The following SPMIP4 variants were observed in gnomAD, a reference collection of about 807,000 sequenced individuals.
The protein encoded by SPMIP4 is sperm-associated microtubule inner protein 4.
the SPMIP4 span, among the ~76,000 whole-genome samples, chr7:25,167,025 ACAAG>A: frequency 6.6e-6 from 1 of 152,258 alleles, no homozygotes; most frequent in Non-Finnish European, 1.5e-5. Context: ...TCCTTAAGAA[ACAAG>A]TCTTTGGCTT....
At chr7:25,135,297 C>T in the SPMIP4 span, 1 of 981,452 alleles carries the variant, frequency 1.0e-6, no homozygotes, top group East Asian at 1.1e-4. Flanking sequence ...ATAAAAGAAA[C>T]AGTTATGTTT....
the SPMIP4 span, among the ~76,000 whole-genome samples, chr7:25,166,285 T>C: frequency 1.5e-5 from 2 of 134,776 alleles, no homozygotes; most frequent in Admixed American, 8.8e-5. Context: ...TGGAGAGCAA[T>C]GGTTAGTTTA....
At chr7:25,145,081 G>C in the SPMIP4 span, among the ~76,000 whole-genome samples, 24 of 151,698 alleles carry the variant, frequency 1.6e-4, no homozygotes, top group Non-Finnish European at 2.8e-4. Context: ...TCCTGCCTCA[G>C]CCTCCCAAGT....
the SPMIP4 span, among the ~76,000 whole-genome samples, chr7:25,137,316 T>TA: frequency 3.4e-4 from 47 of 137,350 alleles, 1 homozygote; most frequent in South Asian, 5.9e-3. Flanking sequence ...TTTTTTTTTT[T>TA]TTTATTTTTT....
the SPMIP4 span, among the ~76,000 whole-genome samples, chr7:25,176,434 T>C: frequency 3.3e-5 from 5 of 152,254 alleles, no homozygotes; most frequent in East Asian, 1.9e-4. The surrounding 1 kb of genome is among the most constrained non-coding windows in gnomAD (Gnocchi z 4.4). Context: ...TGATAACCCT[T>C]GGAGTTGAAC....
At chr7:25,164,679 T>C in the SPMIP4 span, among the ~76,000 whole-genome samples, 9 of 152,228 alleles carry the variant, frequency 5.9e-5, no homozygotes, top group African/African-American at 1.7e-4. Context: ...GGTGAATAAA[T>C]GAATAAATTC....
chr7:25,140,748 C>CG, the SPMIP4 span, among the ~76,000 whole-genome samples: 231 of 150,386 alleles, frequency 1.5e-3, 3 homozygotes, highest in Middle Eastern at 0.018. Context: ...CCACCACGCC[C>CG]GGCTAATTTT....
At chr7:25,166,161 A>G in the SPMIP4 span, among the ~76,000 whole-genome samples, 2 of 151,968 alleles carry the variant, frequency 1.3e-5, no homozygotes, top group Non-Finnish European at 2.9e-5. Flanking sequence ...GATGCCGAAC[A>G]ATGAGCCTAT....
chr7:25,176,818 AATC>A, the SPMIP4 span, among the ~76,000 whole-genome samples: 1 of 152,354 alleles, frequency 6.6e-6, no homozygotes, highest in East Asian at 1.9e-4. The surrounding 1 kb of genome is among the most constrained non-coding windows in gnomAD (Gnocchi z 4.4). Flanking sequence ...ATTACGGAAA[AATC>A]ATTCTTTTTC....
the SPMIP4 span, among the ~76,000 whole-genome samples, chr7:25,127,670 T>C: frequency 6.6e-6 from 1 of 152,242 alleles, no homozygotes; most frequent in Non-Finnish European, 1.5e-5. Flanking sequence ...TATCTCTTTC[T>C]CTCTGGAATT....
At chr7:25,160,733 C>T in the SPMIP4 span, among the ~76,000 whole-genome samples, 74 of 152,152 alleles carry the variant, frequency 4.9e-4, 1 homozygote, top group South Asian at 6.2e-3. Flanking sequence ...GTATGCCTTA[C>T]GTTAAAAATA....
chr7:25,142,698 G>T, the SPMIP4 span: 1 of 1,613,250 alleles, frequency 6.2e-7, no homozygotes, highest in Non-Finnish European at 8.5e-7. Context: ...TTCTTTGTAT[G>T]TTGGCTTCTT....
At chr7:25,158,680 G>C in the SPMIP4 span, 2 of 582,722 alleles carry the variant, frequency 3.4e-6, no homozygotes, top group South Asian at 2.2e-5. Flanking sequence ...TGGGCGGATC[G>C]CTTGAGCTCA....
At chr7:25,160,208 C>T in the SPMIP4 span, among the ~76,000 whole-genome samples, 1 of 70,834 alleles carries the variant, frequency 1.4e-5, no homozygotes, top group Non-Finnish European at 5.1e-5. Flanking sequence ...TGGCTAACTT[C>T]TATATTAAAT....
the SPMIP4 span, among the ~76,000 whole-genome samples, chr7:25,144,787 G>A: frequency 6.6e-6 from 1 of 152,182 alleles, no homozygotes; most frequent in Admixed American, 6.5e-5. Context: ...AACCCTGTGA[G>A]ATTAGAGTGA....
At chr7:25,136,794 C>T in the SPMIP4 span, 2 of 1,605,998 alleles carry the variant, frequency 1.2e-6, no homozygotes, top group Non-Finnish European at 1.7e-6. The surrounding 1 kb of genome is among the most constrained non-coding windows in gnomAD (Gnocchi z 5.7). Context: ...ATTTTTCTTG[C>T]TGTAGTTGTG....
chr7:25,131,552 G>T, the SPMIP4 span, among the ~76,000 whole-genome samples: 18 of 152,194 alleles, frequency 1.2e-4, no homozygotes, highest in Non-Finnish European at 2.2e-4. The surrounding 1 kb of genome is among the most constrained non-coding windows in gnomAD (Gnocchi z 4.2). Flanking sequence ...AAAACACTTC[G>T]TATTATTGTT....
At chr7:25,150,145 G>A in the SPMIP4 span, among the ~76,000 whole-genome samples, 18,226 of 152,086 alleles carry the variant, frequency 0.12, 2,391 homozygotes, top group African/African-American at 0.32. Context: ...CCTCAGTTAA[G>A]GCATAGGGAT....
At chr7:25,178,391 T>C in the SPMIP4 span, among the ~76,000 whole-genome samples, 3 of 152,198 alleles carry the variant, frequency 2.0e-5, no homozygotes, top group African/African-American at 7.2e-5. Flanking sequence ...TTGAGTTCTT[T>C]GAGAAATCAC....
Sources: gnomAD v4.1 joint callset for allele counts (sites outside exome capture counted in the v4.1 genomes callset) on GRCh38, gnomAD v4.1.1 for gene constraint, Gnocchi (gnomAD v3.1) non-coding constraint, MANE v1.5 for transcripts, NCBI Gene and HGNC (gene_info 2026-07-23, HGNC 2026-07-21) for gene names.